Variants in AUH observed in about 807,000 individuals in gnomAD.
AUH encodes methylglutaconyl-CoA hydratase, mitochondrial.
Under a neutral mutation model 42.3 loss-of-function variants are expected in AUH, and 29 were observed. The ratio of observed to expected loss-of-function variants is 0.69; its 90% CI spans 0.51 to 0.93. The LOEUF (loss-of-function observed/expected upper bound fraction) is 0.93, where lower values mean the gene tolerates loss of function less well. AUH is among the 40% of genes least tolerant of loss of function. The pLI is 0.00. For synonymous variants in AUH, 174 were observed against 166.4 expected (o/e 1.05, Z -0.35); for missense variants, 452 against 438.1 (o/e 1.03, Z -0.28).
chr9:91,355,796 A>T (rs1044809173), intron 3 of AUH, 87 bp downstream of exon 3: 1 of 1,273,344 alleles, frequency 7.9e-7, no homozygotes, highest in Non-Finnish European at 1.1e-6. Flanking sequence ...TGGGGTTCAA[A>T]CCAAAGAACA....
chr9:91,243,970 T>C (rs906993480), intron 6 of AUH, among the ~76,000 whole-genome samples: 2 of 152,210 alleles, frequency 1.3e-5, no homozygotes, highest in Non-Finnish European at 2.9e-5. Context: ...AATGAGCCAT[T>C]CTTCTTAGCA....
chr9:91,265,332 T>G (rs1262007132), intron 6 of AUH, among the ~76,000 whole-genome samples: 3 of 119,248 alleles, frequency 2.5e-5, no homozygotes, highest in African/African-American at 1.1e-4. Flanking sequence ...TTCAACTTCA[T>G]TTTCTCACAT....
chr9:91,263,756 T>A (rs1829822875), intron 6 of AUH, among the ~76,000 whole-genome samples: 1 of 152,196 alleles, frequency 6.6e-6, no homozygotes, highest in Non-Finnish European at 1.5e-5. Flanking sequence ...AATAGTAAAC[T>A]TGTATCTAGG....
At chr9:91,216,243 C>A in intron 8 of AUH, 137 bp from the exon 9 acceptor site, 1 of 868,280 alleles carries the variant, frequency 1.2e-6, no homozygotes, top group Admixed American at 2.0e-5. Flanking sequence ...AGAGTGTGAC[C>A]AACATGAGAC....
intron 3 of AUH, among the ~76,000 whole-genome samples, chr9:91,330,922 A>G (rs987630287): frequency 1.3e-5 from 2 of 152,232 alleles, no homozygotes; most frequent in African/African-American, 4.8e-5. Context: ...AGGAAGGGAC[A>G]TGTGGGACGA....
intron 3 of AUH, among the ~76,000 whole-genome samples, chr9:91,329,638 A>C (rs1350484914): frequency 6.6e-6 from 1 of 152,080 alleles, no homozygotes; most frequent in African/African-American, 2.4e-5. Context: ...CTTAGATACA[A>C]GCCCTTTCTA....
At chr9:91,285,276 T>C (rs913886497) in intron 6 of AUH, among the ~76,000 whole-genome samples, 1 of 141,554 alleles carries the variant, frequency 7.1e-6, no homozygotes, top group Admixed American at 7.4e-5. Context: ...CACTTGGACA[T>C]AGGAAGGGGA....
At chr9:91,355,383 C>G (rs1218192333) in intron 3 of AUH, among the ~76,000 whole-genome samples, 1 of 152,102 alleles carries the variant, frequency 6.6e-6, no homozygotes, top group Non-Finnish European at 1.5e-5. Context: ...ATGGTGAAAT[C>G]CTGTCTCTAC....
rs374411673 is a variant in AUH, at chr9:91,306,409, T to G, written c.506-8333A>C. ...TTGGCATTTAAAATGCTGCTTAACA[T>G]GGTAAATGCAGTCACTTCTATTTCT... On this transcript the variant is annotated intron_variant, in intron 4 of 9. Transcript: ENST00000375731. 4.1e-5 allele frequency: 40 copies of G among 983,600 alleles called. No individual in the cohort carries two copies. The African/African-American group carries it at 6.6e-4, about 16-fold the overall frequency. 60.9% of individuals were successfully genotyped at this position (983,600 alleles called of 1,614,324 possible). A position where few individuals can be genotyped will look rare whatever the true frequency, so the allele number is the denominator to read the frequency against.
At chr9:91,227,023 T>A (rs1827538153) in intron 6 of AUH, among the ~76,000 whole-genome samples, 1 of 151,946 alleles carries the variant, frequency 6.6e-6, no homozygotes, top group Non-Finnish European at 1.5e-5. Flanking sequence ...TAGGAATGAC[T>A]TGGCAATGCG....
chr9:91,336,562 G>A (rs917137753), intron 3 of AUH, among the ~76,000 whole-genome samples: 4 of 151,754 alleles, frequency 2.6e-5, no homozygotes, highest in Admixed American at 6.6e-5. Context: ...CCTGGGATGC[G>A]GAGGTTGCAG....
chr9:91,226,132 T>G (rs1282634960), intron 6 of AUH, among the ~76,000 whole-genome samples: 1 of 149,208 alleles, frequency 6.7e-6, no homozygotes, highest in Non-Finnish European at 1.5e-5. Flanking sequence ...CCACACTGAC[T>G]TCCACAATGG....
At chr9:91,335,803 T>C (rs1337635535) in intron 3 of AUH, among the ~76,000 whole-genome samples, 1 of 152,242 alleles carries the variant, frequency 6.6e-6, no homozygotes, top group Non-Finnish European at 1.5e-5. Flanking sequence ...AGGGGACTTT[T>C]TCTAATTACG....
At chr9:91,234,156 C>CCT (rs960845157) in intron 6 of AUH, among the ~76,000 whole-genome samples, 1 of 152,156 alleles carries the variant, frequency 6.6e-6, no homozygotes, top group African/African-American at 2.4e-5. Flanking sequence ...TTTGGCCACC[C>CCT]CTCTCTCCAC....
intron 6 of AUH, among the ~76,000 whole-genome samples, chr9:91,242,752 C>T (rs1359784651): frequency 2.0e-5 from 3 of 152,132 alleles, no homozygotes; most frequent in Admixed American, 1.3e-4. Context: ...GTGAGAAATC[C>T]TTACTAACTG....
rs924362511 is a variant in AUH, at chr9:91,300,584, A to T, written c.506-2508T>A. Reference sequence around the variant, plus strand: ...CATCTTCTACCTTTCCTGTAGGGTAATCTTTCTAAAATGTAAACACAGTCA... The same window carrying T: ...CATCTTCTACCTTTCCTGTAGGGTATTCTTTCTAAAATGTAAACACAGTCA... On this transcript the variant is annotated intron_variant, in intron 4 of 9. Transcript: ENST00000375731. Among the ~76,000 whole-genome samples, 9 of 152,256 alleles carry T rather than the reference A, an allele frequency of 5.9e-5. No homozygotes were observed. The South Asian group carries it at 1.2e-3, about 21-fold the overall frequency.
Position 91,361,611 on chromosome 9 carries a change from C to A in AUH, c.262+17G>T. ...GGCCGCCCGCTGCCCCGCGCCTGCC[C>A]AGCGTTCGCACCTCACCTCGGTTCT... On this transcript the variant is annotated intron_variant, in intron 1 of 9. Coordinates refer to ENST00000375731, the MANE Select transcript of AUH (RefSeq NM_001698.3). The A allele has an allele frequency of 1.3e-6, 2 of 1,573,338 alleles. No individual in the cohort carries two copies. Among genetic ancestry groups the A allele is most frequent in the Admixed American group, 1.8e-5 (1 of 54,808 alleles).
chr9:91,303,468 C>A (rs1322585233), intron 4 of AUH, among the ~76,000 whole-genome samples: 1 of 152,034 alleles, frequency 6.6e-6, no homozygotes, highest in Non-Finnish European at 1.5e-5. Context: ...GTAGCTGGGA[C>A]TACTGGTGCC....
At chr9:91,277,884 C>A (rs1825669334) in intron 6 of AUH, among the ~76,000 whole-genome samples, 1 of 151,952 alleles carries the variant, frequency 6.6e-6, no homozygotes, top group African/African-American at 2.4e-5. Flanking sequence ...TTTGAATGCT[C>A]TGGGAGTTAA....
Sources: gnomAD v4.1 joint callset for allele counts (sites outside exome capture counted in the v4.1 genomes callset) on GRCh38, gnomAD v4.1.1 for gene constraint, MANE v1.5 for transcripts, NCBI Gene and HGNC (gene_info 2026-07-23, HGNC 2026-07-21) for gene names.